ANGEL2: variants seen among roughly 807,000 people sequenced by gnomAD.
ANGEL2 encodes RNA 2',3'-cyclic phosphatase ANGEL2.
Under a neutral mutation model 66.0 loss-of-function variants are expected in ANGEL2, and 41 were observed. That is an observed-to-expected ratio of 0.62 (90% CI 0.48 to 0.81). The LOEUF (loss-of-function observed/expected upper bound fraction) is 0.81. ANGEL2 is among the 30% of genes least tolerant of loss of function. ANGEL2 has a pLI of 0.00. For missense variants in ANGEL2, 561 were observed against 641.6 expected (o/e 0.87, Z 1.36); for synonymous variants, 208 against 226.5 (o/e 0.92, Z 0.73).
Position 213,015,859 on chromosome 1 carries a change from T to C in ANGEL2, c.-188A>G, listed in dbSNP as rs1467928844. The C allele has an allele frequency of 6.0e-6, 4 of 667,458 alleles. No homozygotes were observed. The African/African-American group carries it at 7.3e-5, about 12-fold the overall frequency. The allele number at this position is 667,458 out of a possible 1,614,324, so 41.3% of individuals were successfully genotyped here. A position where few individuals can be genotyped will look rare whatever the true frequency, so the allele number is the denominator to read the frequency against. On this transcript the variant is annotated 5_prime_UTR_variant, in exon 1 of 9. Transcript: ENST00000366962. The stretch of plus-strand genomic sequence containing the variant: ...TACACTCCATCTTGCGCAGTCAGAG[T>C]CCCTGAATGCCTTAACCCGGAATTC...
chr1:213,003,808 C>A (rs2076244424), intron 5 of ANGEL2, among the ~76,000 whole-genome samples: 1 of 152,150 alleles, frequency 6.6e-6, no homozygotes, highest in African/African-American at 2.4e-5. Context: ...TGCTATGAAA[C>A]TTCAATTTTG....
intron 4 of ANGEL2, among the ~76,000 whole-genome samples, chr1:213,005,996 C>G (rs1338720767): frequency 6.6e-6 from 1 of 152,230 alleles, no homozygotes; most frequent in Non-Finnish European, 1.5e-5. Context: ...TCCTGCTTTT[C>G]TCCAGAAAAC....
intron 1 of ANGEL2, among the ~76,000 whole-genome samples, chr1:213,013,972 C>T (rs1030883303): frequency 6.6e-6 from 1 of 152,268 alleles, no homozygotes; most frequent in East Asian, 1.9e-4. Context: ...AACTACTTCT[C>T]TTACTAATCA....
rs2075935580 is a variant in ANGEL2, at chr1:212,994,216, G to GGTTGCAGTGAGCAAAGATTGCGCC, written c.*801_*824dup. 1.3e-5 allele frequency: 2 copies of GGTTGCAGTGAGCAAAGATTGCGCC among 152,160 alleles called. No individual in the cohort carries two copies. Among genetic ancestry groups the GGTTGCAGTGAGCAAAGATTGCGCC allele is most frequent in the Admixed American group, 1.3e-4 (2 of 15,270 alleles). The allele number at this position is 152,160 out of a possible 1,614,324, so 9.4% of individuals were successfully genotyped here. On this transcript the variant is annotated 3_prime_UTR_variant, in exon 9 of 9. Transcript: ENST00000366962. Reference sequence around the variant, plus strand: ...GAATCGCTTGAGCCCGGGAGGCAGGGGTTGCAGTGAGCAAAGATTGCGCCA... The same window carrying GGTTGCAGTGAGCAAAGATTGCGCC: ...GAATCGCTTGAGCCCGGGAGGCAGGGGTTGCAGTGAGCAAAGATTGCGCCGTTGCAGTGAGCAAAGATTGCGCCA...
chr1:212,996,623 C>CAAA (rs71585821), intron 8 of ANGEL2, among the ~76,000 whole-genome samples: 4 of 22,120 alleles, frequency 1.8e-4, no homozygotes, highest in African/African-American at 3.3e-4. Flanking sequence ...ACTCTGTATC[C>CAAA]AAAAAAAAAA....
intron 5 of ANGEL2, among the ~76,000 whole-genome samples, chr1:213,004,786 T>C (rs2076273205): frequency 6.9e-6 from 1 of 145,606 alleles, no homozygotes; most frequent in Non-Finnish European, 1.5e-5. Flanking sequence ...GAGAATCACT[T>C]GAACCCGGGA....
Position 212,993,756 on chromosome 1 carries a change from C to G in ANGEL2, c.*1285G>C, listed in dbSNP as rs775376857. 4.6e-5 allele frequency: 7 copies of G among 152,154 alleles called. No individual in the cohort carries two copies. Among genetic ancestry groups the G allele is most frequent in the Non-Finnish European group, 8.8e-5 (6 of 68,018 alleles). 9.4% of individuals were successfully genotyped at this position (152,154 alleles called of 1,614,324 possible). On this transcript the variant is annotated 3_prime_UTR_variant, in exon 9 of 9. Coordinates refer to ENST00000366962, the MANE Select transcript of ANGEL2 (RefSeq NM_144567.5). The stretch of plus-strand genomic sequence containing the variant: ...ACGGTAAAAGAAAACATTTTAGAAA[C>G]AAAACCACTAAAACCAACAGTTTAA...
In ANGEL2 at chr1:212,997,178, T is replaced by C. The variant is rs776274371; in HGVS notation, c.1460A>G (p.Lys487Arg). 1.2e-6 allele frequency: 2 copies of C among 1,613,320 alleles called. No homozygotes were observed. Among genetic ancestry groups the C allele is most frequent in the South Asian group, 2.2e-5 (2 of 91,010 alleles). Residue 487 changes from lysine to arginine, a missense_variant, in exon 8 of 9, where the codon AAG (lysine) becomes AGG (arginine). Physicochemically the swap from Lys to Arg is conservative, Grantham distance 26. Transcript: ENST00000366962. The part of the protein sequence containing the change: ...TVDYIFYSAE[K>R]EDVAGHPGAE... The stretch of plus-strand genomic sequence containing the variant: ...ACCTGGGTGCCCAGCAACATCTTCC[T>C]TTTCTGCAGAGTAGAAAATATAATC...
In ANGEL2 at chr1:213,004,950, A is replaced by G. The variant is rs2076281166; in HGVS notation, c.1134+83T>C. The stretch of plus-strand genomic sequence containing the variant: ...GTACTGGATCATCCAAGGTTTTCAA[A>G]TAGCCATGTAATGACTATCTTCACA... On this transcript the variant is annotated intron_variant, in intron 5 of 8. Coordinates refer to ENST00000366962, the MANE Select transcript of ANGEL2 (RefSeq NM_144567.5). 2.4e-5 allele frequency: 27 copies of G among 1,131,044 alleles called. No homozygotes were observed. In the South Asian group the frequency reaches 4.6e-4, roughly 19 times the overall value. 70.1% of individuals were successfully genotyped at this position (1,131,044 alleles called of 1,614,324 possible). A position where few individuals can be genotyped will look rare whatever the true frequency, so the allele number is the denominator to read the frequency against.
At chr1:212,995,883 AAAAT>A (rs2075981762) in intron 8 of ANGEL2, among the ~76,000 whole-genome samples, 1 of 152,138 alleles carries the variant, frequency 6.6e-6, no homozygotes, top group Non-Finnish European at 1.5e-5. Context: ...GGAAGAGAAA[AAAAT>A]GAAAAAAATC....
chr1:213,001,841 A>C (rs759529379), intron 5 of ANGEL2: 9 of 152,508 alleles, frequency 5.9e-5, no homozygotes, highest in Non-Finnish European at 1.2e-4. Context: ...CATCTATTTA[A>C]GTTTTATCAT....
chr1:213,009,070 C>T (rs939375297), intron 2 of ANGEL2, among the ~76,000 whole-genome samples: 1 of 152,166 alleles, frequency 6.6e-6, no homozygotes, highest in Non-Finnish European at 1.5e-5. Flanking sequence ...TTTAAATGTA[C>T]AACAAAGGAA....
rs1199939316 is a variant in ANGEL2, at chr1:212,994,405, A to C, written c.*636T>G. ...TCCAGGGTGAAAGAGTGAGCTTTAC[A>C]CGTTATGCTGGCTTATATTTCCCAA... On this transcript the variant is annotated 3_prime_UTR_variant, in exon 9 of 9. Coordinates refer to ENST00000366962, the MANE Select transcript of ANGEL2 (RefSeq NM_144567.5). The C allele has an allele frequency of 6.6e-6, 1 of 152,240 alleles. No homozygotes were observed. Among genetic ancestry groups the C allele is most frequent in the Non-Finnish European group, 1.5e-5 (1 of 68,080 alleles). The allele number at this position is 152,240 out of a possible 1,614,324, so 9.4% of individuals were successfully genotyped here. A position where few individuals can be genotyped will look rare whatever the true frequency, so the allele number is the denominator to read the frequency against.
At chr1:213,007,506 A>G (rs762193513) in intron 3 of ANGEL2, among the ~76,000 whole-genome samples, 59 of 152,344 alleles carry the variant, frequency 3.9e-4, no homozygotes, top group Middle Eastern at 6.8e-3. Flanking sequence ...GTTCATTGGT[A>G]CTATCTTTCA....
At chr1:213,007,303 C>A (rs1296681184) in intron 3 of ANGEL2, 105 bp from the exon 4 acceptor site, 1 of 831,400 alleles carries the variant, frequency 1.2e-6, no homozygotes. Context: ...AAATTCCACA[C>A]CTGATAAGAA....
chr1:213,000,726 A>T (rs1304129478), intron 6 of ANGEL2, 60 bp downstream of exon 6: 12 of 1,520,810 alleles, frequency 7.9e-6, no homozygotes, highest in Non-Finnish European at 8.8e-6. Flanking sequence ...ACTTAGTTTT[A>T]TGTCTTCAAA....
rs2075942454 is a variant in ANGEL2 at position 212,994,343 on chromosome 1, C to T, written c.*698G>A. The T allele has an allele frequency of 6.6e-6, 1 of 152,048 alleles. No homozygotes were observed. The highest frequency in any genetic ancestry group is 1.5e-5 in the Non-Finnish European group (1 of 68,016). The allele number at this position is 152,048 out of a possible 1,614,324, so 9.4% of individuals were successfully genotyped here. A position where few individuals can be genotyped will look rare whatever the true frequency, so the allele number is the denominator to read the frequency against. Reference sequence around the variant, plus strand: ...ATGCTAGGGAAACAAAGGTATATCCCCAGTCTCTGCCTCTATTAAGCCCAC... The same window carrying T: ...ATGCTAGGGAAACAAAGGTATATCCTCAGTCTCTGCCTCTATTAAGCCCAC... On this transcript the variant is annotated 3_prime_UTR_variant, in exon 9 of 9. Transcript: ENST00000366962.
rs1458152254 is a variant in ANGEL2, at chr1:213,008,476, T to C, written c.386-10A>G. On this transcript the variant is annotated splice_polypyrimidine_tract_variant and intron_variant, in intron 2 of 8. Coordinates refer to ENST00000366962, the MANE Select transcript of ANGEL2 (RefSeq NM_144567.5). ...TTCCGCTTTATCACACCTGTTAAAA[T>C]ATATTGCACAAATATAAGGAATTAA... 3.4e-5 allele frequency: 55 copies of C among 1,608,642 alleles called. No homozygotes were observed. The highest frequency in any genetic ancestry group is 4.7e-5 in the Non-Finnish European group (55 of 1,177,350).
At chr1:212,996,640 A>AATATATATATATATATATAT (rs34712162) in intron 8 of ANGEL2, among the ~76,000 whole-genome samples, 1 of 66,474 alleles carries the variant, frequency 1.5e-5, no homozygotes, top group African/African-American at 6.9e-5. Context: ...AAAAAAAAAA[A>AATATATATATATATATATAT]ATATATATAT....
Sources: gnomAD v4.1 joint callset for allele counts (sites outside exome capture counted in the v4.1 genomes callset) on GRCh38, gnomAD v4.1.1 for gene constraint, MANE v1.5 for transcripts, NCBI Gene and HGNC (gene_info 2026-07-23, HGNC 2026-07-21) for gene names.